The following PCDHGA5 variants were observed in gnomAD, a reference collection of about 807,000 sequenced individuals.
The protein encoded by PCDHGA5 is protocadherin gamma subfamily A, 5, also known as protocadherin gamma-A5.
In PCDHGA5, 36 loss-of-function variants were observed where a neutral mutation model predicts 56.7. The observed-to-expected ratio is 0.64, with a 90% CI of 0.49 to 0.84. PCDHGA5 has a LOEUF of 0.84. Ranked by LOEUF, PCDHGA5 falls within the 40% of genes least tolerant of loss-of-function variation. The pLI, the probability that PCDHGA5 is intolerant of heterozygous loss-of-function variation, is 0.00. For missense variants in PCDHGA5, 1,305 were observed against 1,201.5 expected (o/e 1.09, Z -1.27); for synonymous variants, 563 against 520.2 (o/e 1.08, Z -1.12).
chr5:141,410,206 G>T (rs774541712), intron 1 of PCDHGA5: 2 of 1,614,026 alleles, frequency 1.2e-6, no homozygotes, highest in South Asian at 1.1e-5. Context: ...CAGACAACTT[G>T]CAAGAGATAC....
chr5:141,370,529 G>T (rs767611078), intron 1 of PCDHGA5: 4 of 1,613,824 alleles, frequency 2.5e-6, no homozygotes, highest in South Asian at 1.1e-5. Flanking sequence ...ACAGGGGCTC[G>T]CTGGTAGGGA....
In PCDHGA5 at chr5:141,422,240, T is replaced by C. The variant is rs1472994337; in HGVS notation, c.2421+55489T>C. ...ACCACCACGACGATGTTGATCACTG[T>C]TGTGGATGTGAATGATAACGCTCCA... On this transcript the variant is annotated intron_variant, in intron 1 of 3. Coordinates refer to ENST00000518069, the MANE Select transcript of PCDHGA5 (RefSeq NM_018918.3). 1.3e-6 allele frequency: 2 copies of C among 1,566,716 alleles called. No individual in the cohort carries two copies. The highest frequency in any genetic ancestry group is 1.2e-5 in the South Asian group (1 of 81,384).
Position 141,393,710 on chromosome 5 carries a change from G to T in PCDHGA5, c.2421+26959G>T, listed in dbSNP as rs143738602. On this transcript the variant is annotated intron_variant, in intron 1 of 3. Transcript: ENST00000518069. Reference sequence around the variant, plus strand: ...TATTCCAGCTTAATGAAAATACTGGGGAAATATCAATAGCAAAAAGTCTAG... The same window carrying T: ...TATTCCAGCTTAATGAAAATACTGGTGAAATATCAATAGCAAAAAGTCTAG... 837 of 1,613,794 alleles carry T rather than the reference G, an allele frequency of 5.2e-4. 2 individuals carry two copies. In the African/African-American group the frequency reaches 1.0e-2, roughly 19 times the overall value.
At chr5:141,472,058 C>T (rs149583469) in intron 1 of PCDHGA5, among the ~76,000 whole-genome samples, 114 of 152,176 alleles carry the variant, frequency 7.5e-4, no homozygotes, top group African/African-American at 2.6e-3. Context: ...AAATGATTGA[C>T]ATGTCTGTGG....
At chr5:141,390,859 T>C (rs951468573) in intron 1 of PCDHGA5, 3 of 151,114 alleles carry the variant, frequency 2.0e-5, no homozygotes, top group Admixed American at 1.3e-4. Flanking sequence ...CAGTGTACGC[T>C]GTGTGTGCGT....
intron 2 of PCDHGA5, among the ~76,000 whole-genome samples, chr5:141,496,189 G>T (rs1362938002): frequency 1.3e-5 from 2 of 152,004 alleles, no homozygotes; most frequent in African/African-American, 4.8e-5. Context: ...AGCCCCAGCT[G>T]CTCATTTCAA....
At chr5:141,396,781 G>T (rs1270995904) in intron 1 of PCDHGA5, 1 of 152,204 alleles carries the variant, frequency 6.6e-6, no homozygotes, top group East Asian at 1.9e-4. Context: ...TTAATGAAAA[G>T]GACATTTCCT....
chr5:141,393,676 A>G (rs767754951), intron 1 of PCDHGA5: 2 of 1,613,954 alleles, frequency 1.2e-6, no homozygotes, highest in South Asian at 1.1e-5. Flanking sequence ...AATGAAAAAC[A>G]AACTCCGTTA....
At chr5:141,409,524 A>AT (rs1357085904) in intron 1 of PCDHGA5, 9 of 1,613,854 alleles carry the variant, frequency 5.6e-6, no homozygotes, top group Non-Finnish European at 6.8e-6. Context: ...ATCACCTTGT[A>AT]TGTCGCTGAC....
intron 1 of PCDHGA5, chr5:141,409,355 A>G (rs778227478): frequency 6.2e-7 from 1 of 1,614,032 alleles, no homozygotes; most frequent in South Asian, 1.1e-5. Flanking sequence ...AGTCAGGTGT[A>G]ATATAGAAAC....
rs752811986 is a variant in PCDHGA5, at chr5:141,366,261, T to A, written c.1931T>A (p.Val644Glu). ...DRDALKQSLVVAVEDHGQPPL... is the reference protein window; with the variant it reads ...DRDALKQSLVEAVEDHGQPPL... The stretch of plus-strand genomic sequence containing the variant: ...GACGCGCTCAAGCAGAGCCTCGTGG[T>A]GGCCGTCGAAGACCATGGCCAGCCC... Residue 644 changes from valine to glutamate, a missense_variant, in exon 1 of 4, where the codon GTG (valine) becomes GAG (glutamate). Transcript: ENST00000518069. The A allele has an allele frequency of 1.4e-5, 23 of 1,613,602 alleles. No individual in the cohort carries two copies. The Admixed American group carries it at 2.3e-4, about 16-fold the overall frequency.
Position 141,376,684 on chromosome 5 carries a change from T to G in PCDHGA5, c.2421+9933T>G, listed in dbSNP as rs574993154. 1.2e-3 allele frequency: 1,011 copies of G among 809,238 alleles called. 6 individuals carry two copies. Among genetic ancestry groups the G allele is most frequent in the Non-Finnish European group, 1.3e-3 (680 of 543,972 alleles). The allele number at this position is 809,238 out of a possible 1,614,324, so 50.1% of individuals were successfully genotyped here. On this transcript the variant is annotated intron_variant, in intron 1 of 3. Coordinates refer to ENST00000518069, the MANE Select transcript of PCDHGA5 (RefSeq NM_018918.3). ...GTTCAGGTGAGGGTATCGTTTTTTT[T>G]TTTTTTTTTTTTTGAGACGGAGTCT...
intron 1 of PCDHGA5, chr5:141,478,885 A>G (rs2099483148): frequency 8.4e-7 from 1 of 1,193,320 alleles, no homozygotes; most frequent in East Asian, 2.6e-5. Flanking sequence ...GCTTGGTATC[A>G]TTTACATTAG....
At chr5:141,392,980 C>T (rs1327544903) in intron 1 of PCDHGA5, 1 of 1,613,716 alleles carries the variant, frequency 6.2e-7, no homozygotes, top group Non-Finnish European at 8.5e-7. Context: ...GGGCTGGACC[C>T]CCGGAAGCTG....
rs1248275152 is a variant in PCDHGA5, at chr5:141,365,140, T to A, written c.810T>A (p.Asp270Glu). Residue 270 changes from aspartate (D) to glutamate (E), a missense_variant, in exon 1 of 4, where the codon GAT becomes GAA. Physicochemically the swap from Asp to Glu is conservative, Grantham distance 45. Transcript: ENST00000518069. ...TCATGCTAACCGCCACGGATCCAGATGAGGGAATAAACGGGAAATTGACCT... is the reference window on the plus strand; with the variant it reads ...TCATGCTAACCGCCACGGATCCAGAAGAGGGAATAAACGGGAAATTGACCT... ...RLLMLTATDP[D>E]EGINGKLTYS... 1 of 1,613,764 alleles carries A rather than the reference T, an allele frequency of 6.2e-7. No homozygotes were observed. The highest frequency in any genetic ancestry group is 1.3e-5 in the African/African-American group (1 of 74,914).
Position 141,431,698 on chromosome 5 carries a change from A to ATTC in PCDHGA5, c.2422-63107_2422-63105dup. 6.2e-7 allele frequency: 1 copy of ATTC among 1,614,222 alleles called. No homozygotes were observed. Among genetic ancestry groups the ATTC allele is most frequent in the Non-Finnish European group, 8.5e-7 (1 of 1,180,036 alleles). The stretch of plus-strand genomic sequence containing the variant: ...GGGAGTTGGACCACGAGGAGTCAGG[A>ATTC]TTCTACCAGATGGAAGTGCAAGCAA... On this transcript the variant is annotated intron_variant, in intron 1 of 3. Coordinates refer to ENST00000518069, the MANE Select transcript of PCDHGA5 (RefSeq NM_018918.3). This position sits in a 1 kb window ranked among gnomAD's most constrained non-coding sequence, Gnocchi z 4.8.
intron 1 of PCDHGA5, among the ~76,000 whole-genome samples, chr5:141,438,620 A>G (rs2098023964): frequency 1.0e-4 from 4 of 39,044 alleles, no homozygotes; most frequent in African/African-American, 8.0e-4. Flanking sequence ...ATATATATAT[A>G]TATATATATA....
chr5:141,423,026 G>T (rs1333695085), intron 1 of PCDHGA5: 1 of 1,614,210 alleles, frequency 6.2e-7, no homozygotes, highest in Admixed American at 1.7e-5. Context: ...AAAGATTCAG[G>T]CCAGAACGCC....
rs1406362621 is a variant in PCDHGA5, at chr5:141,477,099, G to A, written c.2422-17708G>A. On this transcript the variant is annotated intron_variant, in intron 1 of 3. Transcript: ENST00000518069. This position sits in a 1 kb window ranked among gnomAD's most constrained non-coding sequence, Gnocchi z 4.9. ...ATTTACATCCAGGCCAAAGACAAGG[G>A]CGCCAATCCCGAAGGAGCACATTGC... The A allele has an allele frequency of 6.2e-7, 1 of 1,614,256 alleles. No individual in the cohort carries two copies. Among genetic ancestry groups the A allele is most frequent in the Non-Finnish European group, 8.5e-7 (1 of 1,180,054 alleles).
Sources: allele counts gnomAD v4.1 joint callset (sites outside exome capture counted in the v4.1 genomes callset), GRCh38; gene constraint gnomAD v4.1.1; non-coding constraint Gnocchi (gnomAD v3.1); transcripts MANE v1.5; gene names NCBI Gene and HGNC (gene_info 2026-07-23, HGNC 2026-07-21).